SKAP1: variants seen among roughly 807,000 people sequenced by gnomAD.
SKAP1 encodes src kinase associated phosphoprotein 1.
In SKAP1, 44 loss-of-function variants were observed where a neutral mutation model predicts 58.5. The observed-to-expected ratio is 0.75, with a 90% confidence interval of 0.59 to 0.97. The LOEUF (loss-of-function observed/expected upper bound fraction) is 0.97, where lower values mean the gene tolerates loss of function less well. Among genes scored for constraint, SKAP1 ranks in the 50% least tolerant of loss-of-function variants. The probability of loss-of-function intolerance (pLI) is 0.00; values close to 1 mark genes in which losing one functional copy is unlikely to be tolerated. For missense variants in SKAP1, 390 were observed against 435.2 expected, an observed-to-expected ratio of 0.90 and a Z score of 0.92; for synonymous variants, 127 against 149.7, an observed-to-expected ratio of 0.85 and a Z score of 1.11.
chr17:48,443,055 C>T, the SKAP1 span, among the ~76,000 whole-genome samples: 1 of 152,148 alleles, frequency 6.6e-6, no homozygotes, highest in Non-Finnish European at 1.5e-5. Context: ...CTCCCACTTC[C>T]GTTTGCTCAC....
intron 11 of SKAP1, among the ~76,000 whole-genome samples, chr17:48,158,549 C>CA (rs2064020226): frequency 2.0e-5 from 2 of 98,986 alleles, no homozygotes; most frequent in Admixed American, 1.7e-4. Context: ...GCCTGGGCCA[C>CA]AGAGCGAGAC....
intron 4 of SKAP1, chr17:48,344,246 T>C (rs528115165): frequency 3.0e-5 from 17 of 574,332 alleles, no homozygotes; most frequent in Non-Finnish European, 3.7e-5. Context: ...AGTTTTGTTC[T>C]TGTTTCTTAC....
chr17:48,421,296 CTT>C lies in SKAP1; in HGVS notation c.46+8777_46+8778del, dbSNP rs35201215. On this transcript the variant is annotated intron_variant, in intron 1 of 12. Transcript: ENST00000336915. The stretch of plus-strand genomic sequence containing the variant: ...TTTTACACACACAAAATAGAGTGTT[CTT>C]TTTTTTTTTTTTTTTTTTTTAAAGA... Among the ~76,000 whole-genome samples the C allele has an allele frequency of 3.6e-3, 432 of 119,182 alleles. 2 individuals carry two copies. The highest frequency in any genetic ancestry group is 6.9e-3 in the African/African-American group (222 of 32,112). The allele number at this position is 119,182 out of a possible 152,430, so 78.2% of individuals were successfully genotyped here. A position where few individuals can be genotyped will look rare whatever the true frequency, so the allele number is the denominator to read the frequency against.
chr17:48,358,935 A>G (rs1251777590), intron 3 of SKAP1, among the ~76,000 whole-genome samples: 3 of 152,208 alleles, frequency 2.0e-5, no homozygotes, highest in African/African-American at 7.2e-5. Context: ...ATTCGAATTC[A>G]GGTATGATTT....
At chr17:48,161,722 A>G (rs1001528241) in intron 11 of SKAP1, among the ~76,000 whole-genome samples, 2 of 152,164 alleles carry the variant, frequency 1.3e-5, no homozygotes, top group African/African-American at 4.8e-5. Context: ...GCTCAAACCA[A>G]TTGAGTTAAC....
chr17:48,209,697 T>C (rs576440225), intron 4 of SKAP1, among the ~76,000 whole-genome samples: 1 of 152,234 alleles, frequency 6.6e-6, no homozygotes, highest in East Asian at 1.9e-4. Flanking sequence ...TAAGAGAAAG[T>C]GTGAGGGCTG....
intron 4 of SKAP1, among the ~76,000 whole-genome samples, chr17:48,222,088 A>G (rs1204016893): frequency 6.6e-6 from 1 of 152,180 alleles, no homozygotes; most frequent in Non-Finnish European, 1.5e-5. Flanking sequence ...TCTAAGGGGT[A>G]ACTTGGAACT....
chr17:48,150,920 T>A (rs970673944), intron 11 of SKAP1, among the ~76,000 whole-genome samples: 1 of 152,212 alleles, frequency 6.6e-6, no homozygotes. Context: ...CTGTGGCTCC[T>A]GTGAACCTCG....
At chr17:48,264,017 G>A (rs998619831) in intron 4 of SKAP1, among the ~76,000 whole-genome samples, 1 of 151,414 alleles carries the variant, frequency 6.6e-6, no homozygotes. Flanking sequence ...TAGGGCCTAG[G>A]ACTAGAGGAA....
chr17:48,282,304 C>T (rs2065777119), intron 4 of SKAP1, among the ~76,000 whole-genome samples: 1 of 152,178 alleles, frequency 6.6e-6, no homozygotes, highest in South Asian at 2.1e-4. Context: ...CTATTTTCCT[C>T]CATTCATTCC....
chr17:48,234,388 T>C (rs2065157871), intron 4 of SKAP1, among the ~76,000 whole-genome samples: 1 of 152,332 alleles, frequency 6.6e-6, no homozygotes, highest in East Asian at 1.9e-4. Flanking sequence ...TCTAGGAACT[T>C]ATATATGCTA....
At chr17:48,269,981 G>A (rs756852087) in intron 4 of SKAP1, among the ~76,000 whole-genome samples, 10 of 151,962 alleles carry the variant, frequency 6.6e-5, no homozygotes, top group East Asian at 1.9e-4. Flanking sequence ...GCATGGTGGC[G>A]CATGCCTGTA....
intron 4 of SKAP1, among the ~76,000 whole-genome samples, chr17:48,205,283 G>A (rs1456403081): frequency 6.6e-6 from 1 of 151,418 alleles, no homozygotes; most frequent in African/African-American, 2.4e-5. Flanking sequence ...CTAATTTTTG[G>A]ATTTTTTGGT....
chr17:48,326,717 T>C (rs1437701958), intron 4 of SKAP1, among the ~76,000 whole-genome samples: 1 of 152,164 alleles, frequency 6.6e-6, no homozygotes, highest in Non-Finnish European at 1.5e-5. Context: ...CCCCACTGGT[T>C]TTTCTAGATT....
At position 48,430,109 on chromosome 17, in the gene SKAP1, G is replaced by A. The variant is rs1022831732; in HGVS notation, c.12C>T (p.Ala4=). Residue 4 remains alanine (A), a synonymous_variant, in exon 1 of 13, where the codon GCC becomes GCT. Transcript: ENST00000336915. ...GCCAACGGATCTCCTCAGGGAGGGC[G>A]GCGGCCTGCATTTGGCTGGGCGGGA... The part of the protein sequence containing the change: MQA[A]ALPEEIRWLL... The A allele has an allele frequency of 3.2e-6, 4 of 1,262,518 alleles. No individual in the cohort carries two copies. Among genetic ancestry groups the A allele is most frequent in the African/African-American group, 3.1e-5 (2 of 65,320 alleles). The allele number at this position is 1,262,518 out of a possible 1,614,324, so 78.2% of individuals were successfully genotyped here.
At chr17:48,430,864 C>A (rs1480671787), upstream of SKAP1, among the ~76,000 whole-genome samples, 1 of 152,128 alleles carries the variant, frequency 6.6e-6, no homozygotes, top group African/African-American at 2.4e-5. Flanking sequence ...GAGCCCTTTC[C>A]CTCCAGGAGC....
chr17:48,303,819 T>C (rs2066096368), intron 4 of SKAP1, among the ~76,000 whole-genome samples: 1 of 152,214 alleles, frequency 6.6e-6, no homozygotes, highest in Non-Finnish European at 1.5e-5. Context: ...GGATATTTTC[T>C]TGCTATCTAT....
the SKAP1 span, among the ~76,000 whole-genome samples, chr17:48,435,646 C>G: frequency 2.6e-5 from 4 of 152,160 alleles, no homozygotes; most frequent in Admixed American, 2.6e-4. Flanking sequence ...TTCTTTTCAT[C>G]TGTTATTTCA....
intron 2 of SKAP1, among the ~76,000 whole-genome samples, chr17:48,366,773 C>A (rs1006848022): frequency 6.6e-6 from 1 of 152,084 alleles, no homozygotes; most frequent in Admixed American, 6.5e-5. Context: ...TTCCCTAACC[C>A]CCAATTCCTA....
Sources: gnomAD v4.1 joint callset for allele counts (sites outside exome capture counted in the v4.1 genomes callset) on GRCh38, gnomAD v4.1.1 for gene constraint, MANE v1.5 for transcripts, NCBI Gene and HGNC (gene_info 2026-07-23, HGNC 2026-07-21) for gene names.